EML6: variants seen among roughly 807,000 people sequenced by gnomAD.
The protein encoded by EML6 is echinoderm microtubule-associated protein-like 6.
A neutral mutation model predicts 240.1 loss-of-function variants in EML6; 154 were observed. The ratio of observed to expected loss-of-function variants is 0.64; its 90% CI spans 0.56 to 0.73. The LOEUF (loss-of-function observed/expected upper bound fraction) is 0.73. Among genes scored for constraint, EML6 ranks in the 30% least tolerant of loss-of-function variants. The pLI is 0.00. For synonymous variants in EML6, 1,148 were observed against 899.0 expected, an observed-to-expected ratio of 1.28 and a Z score of -4.95; for missense variants, 2,964 against 2,474.6, an observed-to-expected ratio of 1.20 and a Z score of -4.20.
At chr2:54,758,924 A>C (rs557235106) in intron 2 of EML6, among the ~76,000 whole-genome samples, 2 of 151,622 alleles carry the variant, frequency 1.3e-5, no homozygotes, top group East Asian at 3.9e-4. Flanking sequence ...GGTGGTTCAT[A>C]AGTTGCCTTT....
Position 54,962,547 on chromosome 2 carries a change from G to A in EML6, c.4993G>A (p.Asp1665Asn). The A allele has an allele frequency of 6.5e-7, 1 of 1,547,964 alleles. No homozygotes were observed. The highest frequency in any genetic ancestry group is 1.2e-5 in the South Asian group (1 of 82,784). Residue 1665 changes from aspartate (D) to asparagine (N), a missense_variant, in exon 36 of 42, where the codon GAC becomes AAC. By Grantham distance (23) the Asp-to-Asn change is conservative. Coordinates refer to ENST00000356458, the MANE Select transcript of EML6 (RefSeq NM_001039753.4). ...GKGKILVGTK[D>N]GEIIEVGEKN... is the part of the protein sequence containing the mutation. ...GGGAAAAATCTTAGTGGGAACCAAAGACGGAGAAATAATTGAAGTTGGTGA... is the reference window on the plus strand; with the variant it reads ...GGGAAAAATCTTAGTGGGAACCAAAAACGGAGAAATAATTGAAGTTGGTGA...
At position 54,964,112 on chromosome 2, in the gene EML6, G is replaced by C; in HGVS notation, c.5284G>C (p.Val1762Leu). The stretch of plus-strand genomic sequence containing the variant: ...CATCTTGTTGGTGAACAGCCTGAAA[G>C]TTTGGGGGAAAAAACGAGACCGGAA... ...FVILLVNSLKVWGKKRDRKSA... is the reference protein window; with the variant it reads ...FVILLVNSLKLWGKKRDRKSA... Residue 1762 changes from valine to leucine, a missense_variant, in exon 37 of 42, where the codon GTT becomes CTT. Physicochemically the swap from Val to Leu is conservative, Grantham distance 32. Transcript: ENST00000356458. The C allele has an allele frequency of 6.4e-7, 1 of 1,551,714 alleles. No homozygotes were observed. Among genetic ancestry groups the C allele is most frequent in the Non-Finnish European group, 8.7e-7 (1 of 1,146,996 alleles).
At chr2:54,893,639 A>T (rs924757591) in intron 19 of EML6, among the ~76,000 whole-genome samples, 1 of 152,116 alleles carries the variant, frequency 6.6e-6, no homozygotes, top group African/African-American at 2.4e-5. Context: ...GCAAATATCA[A>T]CTTCTTTTCA....
intron 7 of EML6, among the ~76,000 whole-genome samples, chr2:54,841,558 A>G (rs55913435): frequency 0.058 from 8,484 of 146,692 alleles, 469 homozygotes; most frequent in East Asian, 0.33. Flanking sequence ...TTGTCCCAGC[A>G]TCCCAGCTGG....
chr2:54,948,173 G>C (rs1675784588), intron 28 of EML6, among the ~76,000 whole-genome samples: 1 of 152,180 alleles, frequency 6.6e-6, no homozygotes, highest in Non-Finnish European at 1.5e-5. Flanking sequence ...GATTCCATTA[G>C]GGCTTACACA....
intron 17 of EML6, among the ~76,000 whole-genome samples, chr2:54,884,657 T>A (rs1214935296): frequency 6.6e-6 from 1 of 152,204 alleles, no homozygotes. Flanking sequence ...AGACCACATA[T>A]GTATTTTGTA....
chr2:54,963,455 T>A (rs1055525507), intron 36 of EML6, among the ~76,000 whole-genome samples: 2 of 152,226 alleles, frequency 1.3e-5, no homozygotes, highest in African/African-American at 4.8e-5. Context: ...TTAACATCGC[T>A]ATTAGTAAAA....
chr2:54,930,073 G>A (rs1428906544), intron 28 of EML6, among the ~76,000 whole-genome samples: 1 of 151,962 alleles, frequency 6.6e-6, no homozygotes, highest in Non-Finnish European at 1.5e-5. Context: ...TTCACCTGAA[G>A]TATTCATTCC....
intron 21 of EML6, among the ~76,000 whole-genome samples, chr2:54,896,642 G>C (rs922589583): frequency 6.6e-6 from 1 of 152,178 alleles, no homozygotes; most frequent in Admixed American, 6.6e-5. Context: ...CATATGAGCA[G>C]TCAGAACTTC....
chr2:54,766,809 T>G (rs1668204516), intron 2 of EML6, among the ~76,000 whole-genome samples: 2 of 152,174 alleles, frequency 1.3e-5, no homozygotes, highest in Non-Finnish European at 2.9e-5. Flanking sequence ...TTTGTTTATA[T>G]GTTTACATAT....
intron 32 of EML6, 82 bp from the exon 33 acceptor site, chr2:54,957,708 G>T (rs1676295967): frequency 1.6e-6 from 2 of 1,268,194 alleles, no homozygotes; most frequent in East Asian, 5.0e-5. Flanking sequence ...GCCTGCTGGG[G>T]TGGAGACCTC....
At chr2:54,745,585 T>G (rs1342166805) in intron 2 of EML6, among the ~76,000 whole-genome samples, 11 of 152,096 alleles carry the variant, frequency 7.2e-5, no homozygotes, top group Non-Finnish European at 1.5e-4. Flanking sequence ...GAGATGAGCC[T>G]GGGTAACATG....
intron 7 of EML6, 53 bp downstream of exon 7, chr2:54,829,530 A>G: frequency 7.1e-7 from 1 of 1,417,960 alleles, no homozygotes. Context: ...TATAATGTGA[A>G]GTTCTGTATT....
chr2:54,969,484 T>G (rs1478296817), intron 41 of EML6, among the ~76,000 whole-genome samples: 1 of 152,220 alleles, frequency 6.6e-6, no homozygotes, highest in Non-Finnish European at 1.5e-5. Flanking sequence ...GCTGGCTACT[T>G]CTGGCACTTA....
At chr2:54,927,874 C>G (rs753287175) in intron 26 of EML6, among the ~76,000 whole-genome samples, 12 of 152,340 alleles carry the variant, frequency 7.9e-5, no homozygotes, top group Non-Finnish European at 1.3e-4. Flanking sequence ...TATAAGATAT[C>G]CTTTGCTCTT....
chr2:54,797,426 G>C (rs1169180349), intron 2 of EML6, among the ~76,000 whole-genome samples: 1 of 152,178 alleles, frequency 6.6e-6, no homozygotes, highest in South Asian at 2.1e-4. Context: ...AATCTGCTTA[G>C]GATACACCTT....
intron 2 of EML6, among the ~76,000 whole-genome samples, chr2:54,796,501 TTC>T (rs917328069): frequency 2.0e-5 from 3 of 152,110 alleles, no homozygotes; most frequent in African/African-American, 7.2e-5. Context: ...AGTTTTTTTT[TTC>T]TTTTTTTTTG....
At chr2:54,754,143 AAAT>A (rs1684300529) in intron 2 of EML6, among the ~76,000 whole-genome samples, 1 of 151,816 alleles carries the variant, frequency 6.6e-6, no homozygotes. Context: ...TCAAAAAAAA[AAAT>A]TTTTTTTTTT....
intron 2 of EML6, among the ~76,000 whole-genome samples, chr2:54,772,540 T>C (rs1162994759): frequency 6.6e-6 from 1 of 152,210 alleles, no homozygotes; most frequent in East Asian, 1.9e-4. Flanking sequence ...AGATACAATT[T>C]CCCCTAAACT....
Sources: allele counts gnomAD v4.1 joint callset (sites outside exome capture counted in the v4.1 genomes callset), GRCh38; gene constraint gnomAD v4.1.1; transcripts MANE v1.5; gene names NCBI Gene and HGNC (gene_info 2026-07-23, HGNC 2026-07-21).